Variants in DMD observed in about 807,000 individuals in gnomAD.
The protein encoded by DMD is dystrophin, also known as mutant dystrophin.
A neutral mutation model predicts 330.1 loss-of-function variants in DMD; 63 were observed. That is an observed-to-expected ratio of 0.19 (90% confidence interval 0.16 to 0.24). The LOEUF (loss-of-function observed/expected upper bound fraction) is 0.24, where lower values mean the gene tolerates loss of function less well. Ranked by LOEUF, DMD falls within the 10% of genes least tolerant of loss-of-function variation. The pLI is 1.00. For missense variants in DMD, 3,344 were observed against 2,684.1 expected (o/e 1.25, Z -5.43); for synonymous variants, 1,223 against 959.8 (o/e 1.27, Z -5.07).
chrX:32,280,166 TATATATATATATATATATATAC>T (rs1451189435), intron 43 of DMD, among the ~76,000 whole-genome samples: 724 of 6,060 alleles, frequency 0.12, 9 homozygotes, highest in South Asian at 0.45. Flanking sequence ...ATATATACAG[TATATATATATATATATATATAC>T]ACACTATGTA....
intron 53 of DMD, among the ~76,000 whole-genome samples, chrX:31,671,127 T>C (rs2081756461): frequency 9.0e-6 from 1 of 111,701 alleles, no homozygotes; most frequent in South Asian, 3.7e-4. Context: ...TTAGCCAGGA[T>C]GGTCTCAATC....
intron 29 of DMD, among the ~76,000 whole-genome samples, chrX:32,433,449 G>A (rs960756116): frequency 1.2e-4 from 13 of 112,024 alleles, no homozygotes; most frequent in African/African-American, 3.9e-4. Flanking sequence ...AGGCCGAGGC[G>A]GGCGGATAAC....
At chrX:32,093,174 A>C (rs2148017915) in intron 44 of DMD, among the ~76,000 whole-genome samples, 1 of 112,502 alleles carries the variant, frequency 8.9e-6, no homozygotes, top group Non-Finnish European at 1.9e-5. Flanking sequence ...AATACTTAAC[A>C]GCTGAGAAGA....
chrX:31,470,149 C>T (rs973566651), intron 59 of DMD, among the ~76,000 whole-genome samples: 4 of 110,935 alleles, frequency 3.6e-5, no homozygotes, highest in African/African-American at 1.3e-4. Context: ...TTTGTTATTA[C>T]CCACCTTCTG....
rs113438518 is a variant in DMD at position 33,240,770 on chromosome X, A to G, written c.7+98489T>C. On this transcript the variant is annotated intron_variant, in intron 1 of 17. Transcript: ENST00000288447. ...ATGTCATTCTAACAGGTTTGAGTTG[A>G]TATCTCACTGTGGATTTATTTACAT... is the stretch of plus-strand genomic sequence containing the variant. 2.7e-3 allele frequency among the ~76,000 whole-genome samples: 306 copies of G among 111,934 alleles called. 2 individuals are homozygous for G. Among genetic ancestry groups the G allele is most frequent in the African/African-American group, 9.6e-3 (295 of 30,828 alleles).
intron 57 of DMD, among the ~76,000 whole-genome samples, chrX:31,486,692 G>A (rs1027432955): frequency 2.7e-5 from 3 of 111,820 alleles, no homozygotes; most frequent in African/African-American, 9.8e-5. Context: ...AATGGATACC[G>A]AGCAGGCATA....
At chrX:32,772,215 G>A (rs780164510) in intron 7 of DMD, among the ~76,000 whole-genome samples, 3 of 112,483 alleles carry the variant, frequency 2.7e-5, no homozygotes, top group East Asian at 2.8e-4. Flanking sequence ...TTTGAATGCC[G>A]TTATTAATTC....
At chrX:32,592,000 C>A (rs1020806531) in intron 13 of DMD, among the ~76,000 whole-genome samples, 1 of 112,377 alleles carries the variant, frequency 8.9e-6, no homozygotes, top group Non-Finnish European at 1.9e-5. Flanking sequence ...TGCCTTGCGC[C>A]CGTCTGGACT....
At chrX:31,772,619 G>A (rs1468437848) in intron 51 of DMD, among the ~76,000 whole-genome samples, 5 of 111,144 alleles carry the variant, frequency 4.5e-5, no homozygotes, top group African/African-American at 1.6e-4. Flanking sequence ...ATTGCTTGCA[G>A]TACATATATT....
intron 13 of DMD, among the ~76,000 whole-genome samples, chrX:32,594,664 T>C (rs761467949): frequency 9.0e-6 from 1 of 111,517 alleles, no homozygotes; most frequent in African/African-American, 3.3e-5. Context: ...TTTTTTTATG[T>C]TTTTATACTT....
intron 1 of DMD, among the ~76,000 whole-genome samples, chrX:33,096,385 A>T (rs189067856): frequency 1.2e-4 from 13 of 112,127 alleles, no homozygotes; most frequent in Non-Finnish European, 2.3e-4. Context: ...AGGTAGGTAA[A>T]CTAAAGTTGT....
intron 51 of DMD, among the ~76,000 whole-genome samples, chrX:31,736,239 G>T (rs1424632298): frequency 8.9e-6 from 1 of 111,956 alleles, no homozygotes; most frequent in Admixed American, 9.5e-5. Flanking sequence ...GAGCAGTTAT[G>T]AAGCTAAAAA....
chrX:32,551,925 G>T (rs776584112), intron 16 of DMD, among the ~76,000 whole-genome samples: 2 of 111,931 alleles, frequency 1.8e-5, no homozygotes, highest in African/African-American at 6.5e-5. Flanking sequence ...AAGCAAGGAG[G>T]TGAAACACTG....
intron 1 of DMD, among the ~76,000 whole-genome samples, chrX:33,064,719 T>C (rs1221681173): frequency 4.5e-5 from 5 of 110,250 alleles, no homozygotes; most frequent in Non-Finnish European, 9.5e-5. Flanking sequence ...CAAAACCCCA[T>C]CTCTACTAAA....
At chrX:33,180,792 A>G (rs2049955555) in intron 1 of DMD, among the ~76,000 whole-genome samples, 1 of 109,097 alleles carries the variant, frequency 9.2e-6, no homozygotes, top group Non-Finnish European at 1.9e-5. Context: ...GTACAATGAT[A>G]TAAGTCTAAG....
chrX:33,157,224 A>G (rs2048547900), intron 1 of DMD, among the ~76,000 whole-genome samples: 1 of 111,233 alleles, frequency 9.0e-6, no homozygotes, highest in African/African-American at 3.3e-5. Context: ...ACTCTAGGAG[A>G]GAGTCTGTTC....
chrX:33,162,410 G>T (rs2048813081), intron 1 of DMD, among the ~76,000 whole-genome samples: 1 of 111,858 alleles, frequency 8.9e-6, no homozygotes, highest in Non-Finnish European at 1.9e-5. Flanking sequence ...ACACTTCTAG[G>T]ATTCTTTGAA....
At chrX:32,731,069 C>G (rs776614386) in intron 7 of DMD, among the ~76,000 whole-genome samples, 1 of 111,677 alleles carries the variant, frequency 9.0e-6, no homozygotes, top group Non-Finnish European at 1.9e-5. Flanking sequence ...GTGCGCGACC[C>G]GAAGCAGGGT....
At chrX:31,650,345 T>C (rs1173300586) in intron 54 of DMD, among the ~76,000 whole-genome samples, 1 of 110,802 alleles carries the variant, frequency 9.0e-6, no homozygotes, top group Non-Finnish European at 1.9e-5. Context: ...AATATCCCGC[T>C]AGCATTCTAT....
Sources: gnomAD v4.1 joint callset for allele counts (sites outside exome capture counted in the v4.1 genomes callset) on GRCh38, gnomAD v4.1.1 for gene constraint, MANE v1.5 for transcripts, NCBI Gene and HGNC (gene_info 2026-07-23, HGNC 2026-07-21) for gene names.